SIPA1L1: variants seen among roughly 807,000 people sequenced by gnomAD.
SIPA1L1 encodes the protein signal-induced proliferation-associated 1-like protein 1.
A neutral mutation model predicts 162.7 loss-of-function variants in SIPA1L1; 26 were observed. That is an observed-to-expected ratio of 0.16 (90% CI 0.12 to 0.22). The LOEUF is 0.22. Ranked by LOEUF, SIPA1L1 falls within the 10% of genes least tolerant of loss-of-function variation. The pLI is 1.00. For missense variants in SIPA1L1, 1,874 were observed against 2,241.0 expected (o/e 0.84, Z 3.31); for synonymous variants, 829 against 837.4 (o/e 0.99, Z 0.17).
chr14:71,569,262 A>G (rs1190201752), intron 4 of SIPA1L1, among the ~76,000 whole-genome samples: 1 of 152,204 alleles, frequency 6.6e-6, no homozygotes, highest in Non-Finnish European at 1.5e-5. Context: ...TAGTGACGTG[A>G]AAAGAGTGTC....
intron 12 of SIPA1L1, among the ~76,000 whole-genome samples, chr14:71,676,898 C>T (rs2045262670): frequency 6.6e-6 from 1 of 152,110 alleles, no homozygotes; most frequent in Non-Finnish European, 1.5e-5. Flanking sequence ...TGGGTTGGTT[C>T]CAAGTCTTGC....
chr14:71,579,141 A>T (rs1381429430), intron 4 of SIPA1L1, among the ~76,000 whole-genome samples: 1 of 152,202 alleles, frequency 6.6e-6, no homozygotes, highest in East Asian at 1.9e-4. Flanking sequence ...TCAGCTGCAG[A>T]CCGCACCGTT....
intron 2 of SIPA1L1, among the ~76,000 whole-genome samples, chr14:71,473,920 A>G (rs1031447961): frequency 1.3e-5 from 2 of 152,310 alleles, no homozygotes; most frequent in African/African-American, 4.8e-5. Context: ...TTTGATTGAA[A>G]CTGGGAACCT....
At chr14:71,620,822 T>A (rs1314596202) in intron 6 of SIPA1L1, among the ~76,000 whole-genome samples, 1 of 152,254 alleles carries the variant, frequency 6.6e-6, no homozygotes, top group African/African-American at 2.4e-5. Flanking sequence ...CTACTTGAAT[T>A]CTGTAGTCAT....
chr14:71,403,627 TTAATCA>T (rs1369261613), intron 2 of SIPA1L1, among the ~76,000 whole-genome samples: 4 of 150,800 alleles, frequency 2.7e-5, no homozygotes, highest in African/African-American at 7.3e-5. Context: ...AAAAAAAATC[TTAATCA>T]TATTGTTTTC....
intron 4 of SIPA1L1, among the ~76,000 whole-genome samples, chr14:71,535,218 A>T (rs1420961872): frequency 6.6e-6 from 1 of 152,232 alleles, no homozygotes; most frequent in Admixed American, 6.5e-5. Context: ...GAAACTCTTA[A>T]ATACCTATGT....
chr14:71,520,934 TG>T (rs1415356832), intron 3 of SIPA1L1, among the ~76,000 whole-genome samples: 1 of 152,074 alleles, frequency 6.6e-6, no homozygotes, highest in Admixed American at 6.6e-5. Context: ...TTAATTTTTT[TG>T]TACGGATGGG....
At chr14:71,657,403 A>G (rs2043159084) in intron 8 of SIPA1L1, among the ~76,000 whole-genome samples, 1 of 151,972 alleles carries the variant, frequency 6.6e-6, no homozygotes, top group Admixed American at 6.6e-5. Context: ...CCTACAGTGA[A>G]TGTACTTCTG....
intron 19 of SIPA1L1, among the ~76,000 whole-genome samples, chr14:71,726,033 T>G (rs2084212332): frequency 6.6e-6 from 1 of 152,192 alleles, no homozygotes; most frequent in African/African-American, 2.4e-5. Context: ...TGCTAGCGTG[T>G]GTGTGCGTGT....
intron 13 of SIPA1L1, among the ~76,000 whole-genome samples, chr14:71,687,998 T>G (rs931557767): frequency 2.0e-5 from 3 of 152,204 alleles, no homozygotes; most frequent in Non-Finnish European, 4.4e-5. Context: ...ATCTCAGTCC[T>G]ACAGTTTCCA....
chr14:71,326,349 C>T (rs767556318), intron 2 of SIPA1L1, among the ~76,000 whole-genome samples: 10 of 151,862 alleles, frequency 6.6e-5, no homozygotes, highest in Non-Finnish European at 1.2e-4. Context: ...GCTGGGATTA[C>T]AGGCACACGC....
chr14:71,365,440 G>C (rs142474226), intron 2 of SIPA1L1, among the ~76,000 whole-genome samples: 1 of 152,024 alleles, frequency 6.6e-6, no homozygotes, highest in Admixed American at 6.6e-5. Flanking sequence ...ACTATTGCCC[G>C]TAGGCACTTT....
intron 2 of SIPA1L1, among the ~76,000 whole-genome samples, chr14:71,374,645 C>T (rs187338836): frequency 1.3e-5 from 2 of 150,416 alleles, no homozygotes; most frequent in African/African-American, 4.9e-5. Flanking sequence ...AAGAAAAATT[C>T]CTATGCTGTA....
Position 71,559,222 on chromosome 14 carries a change from C to G in SIPA1L1, c.-302-28349C>G, listed in dbSNP as rs374452712. ...ACCTGGGATTACAGGCATGCGCCAC[C>G]AGACCCAGCTAATTTTTGTATTTTT... is the stretch of plus-strand genomic sequence containing the variant. On this transcript the variant is annotated intron_variant, in intron 4 of 23. Coordinates refer to ENST00000381232, the MANE Select transcript of SIPA1L1 (RefSeq NM_001386936.1). Among the ~76,000 whole-genome samples the G allele has an allele frequency of 2.6e-3, 389 of 152,210 alleles. 1 individual carries two copies. The highest frequency in any genetic ancestry group is 8.5e-3 in the African/African-American group (351 of 41,536).
chr14:71,480,073 GT>G (rs1051302456), intron 2 of SIPA1L1, among the ~76,000 whole-genome samples: 25 of 149,782 alleles, frequency 1.7e-4, no homozygotes, highest in African/African-American at 5.7e-4. Context: ...TTAGACTAGT[GT>G]TTTTTTTGTT....
At chr14:71,491,806 A>ACC (rs993308007) in intron 2 of SIPA1L1, among the ~76,000 whole-genome samples, 2 of 143,722 alleles carry the variant, frequency 1.4e-5, no homozygotes, top group Non-Finnish European at 3.1e-5. Context: ...ACACACACAC[A>ACC]CACACACCCC....
chr14:71,673,091 T>C (rs2044706540), intron 12 of SIPA1L1, among the ~76,000 whole-genome samples: 1 of 152,220 alleles, frequency 6.6e-6, no homozygotes, highest in African/African-American at 2.4e-5. Context: ...GGCAGCTGCT[T>C]TCCTAACTGT....
intron 2 of SIPA1L1, among the ~76,000 whole-genome samples, chr14:71,403,561 C>T (rs543671461): frequency 1.0e-3 from 139 of 136,288 alleles, no homozygotes; most frequent in African/African-American, 3.8e-3. Flanking sequence ...GATTGCACCA[C>T]TGCACTGCAG....
intron 2 of SIPA1L1, among the ~76,000 whole-genome samples, chr14:71,371,524 A>C (rs2038889570): frequency 1.3e-5 from 2 of 152,026 alleles, no homozygotes; most frequent in Admixed American, 1.3e-4. Flanking sequence ...AGTAGCTGGG[A>C]CTACAGGCAT....
Sources: gnomAD v4.1 joint callset for allele counts (sites outside exome capture counted in the v4.1 genomes callset) on GRCh38, gnomAD v4.1.1 for gene constraint, MANE v1.5 for transcripts, NCBI Gene and HGNC (gene_info 2026-07-23, HGNC 2026-07-21) for gene names.